Variants in PAN3 observed in about 807,000 individuals in gnomAD.
The protein encoded by PAN3 is PAN2-PAN3 deadenylation complex subunit PAN3.
PAN3 carries 19 observed loss-of-function variants against 96.2 expected under a neutral mutation model. That is an observed-to-expected ratio of 0.20 (90% confidence interval 0.14 to 0.29). PAN3 has a LOEUF of 0.29. PAN3 is among the 10% of genes least tolerant of loss of function. The pLI, the probability that PAN3 is intolerant of heterozygous loss-of-function variation, is 1.00. For missense variants in PAN3, 882 were observed against 1,108.1 expected, an observed-to-expected ratio of 0.80 and a Z score of 2.90; for synonymous variants, 433 against 406.6, an observed-to-expected ratio of 1.06 and a Z score of -0.78.
intron 17 of PAN3, 107 bp downstream of exon 17, chr13:28,281,486 G>T: frequency 9.9e-7 from 1 of 1,014,162 alleles, no homozygotes; most frequent in Non-Finnish European, 1.5e-6. Context: ...AAATTCTCAT[G>T]TGAAGTGACC....
intron 12 of PAN3, among the ~76,000 whole-genome samples, chr13:28,268,834 G>A (rs1290285052): frequency 3.3e-5 from 5 of 151,810 alleles, no homozygotes; most frequent in Non-Finnish European, 5.9e-5. Context: ...CATCCTGACA[G>A]TTGAAAAAAG....
chr13:28,280,314 T>C, intron 15 of PAN3, 98 bp from the exon 16 acceptor site: 1 of 1,366,784 alleles, frequency 7.3e-7, no homozygotes, highest in Non-Finnish European at 9.9e-7. Context: ...AAATTTTGTG[T>C]GCTAAGATGA....
At chr13:28,219,202 C>T (rs1285141424) in intron 5 of PAN3, among the ~76,000 whole-genome samples, 2 of 152,098 alleles carry the variant, frequency 1.3e-5, no homozygotes, top group South Asian at 2.1e-4. Context: ...AGCCTCAGAC[C>T]TGATTATACT....
intron 7 of PAN3, 96 bp from the exon 8 acceptor site, chr13:28,260,351 G>A (rs139790959): frequency 7.0e-5 from 61 of 873,748 alleles, no homozygotes; most frequent in East Asian, 5.7e-4. Context: ...CCGAGATTGC[G>A]CCACTGAACT....
At chr13:28,234,862 A>G (rs537797450) in intron 6 of PAN3, among the ~76,000 whole-genome samples, 2 of 152,056 alleles carry the variant, frequency 1.3e-5, no homozygotes, top group Non-Finnish European at 2.9e-5. Context: ...TATTATATCT[A>G]TGAACTGTCT....
chr13:28,194,659 G>T (rs1479568426), intron 4 of PAN3, among the ~76,000 whole-genome samples: 1 of 151,484 alleles, frequency 6.6e-6, no homozygotes. Context: ...TAGTAGAGAT[G>T]GTGTTTCACC....
At chr13:28,277,512 T>C (rs1206683172) in intron 15 of PAN3, 136 bp downstream of exon 15, 4 of 848,956 alleles carry the variant, frequency 4.7e-6, no homozygotes, top group Non-Finnish European at 7.2e-6. Flanking sequence ...TTATTTTTAT[T>C]GCAAAGTAAA....
intron 17 of PAN3, among the ~76,000 whole-genome samples, chr13:28,282,329 C>T (rs1407789585): frequency 3.5e-5 from 5 of 141,228 alleles, no homozygotes; most frequent in Non-Finnish European, 6.0e-5. Flanking sequence ...AATACTATTA[C>T]TTGAGGGGTT....
At chr13:28,288,762 A>G (rs1375710063) in intron 18 of PAN3, among the ~76,000 whole-genome samples, 2 of 152,194 alleles carry the variant, frequency 1.3e-5, no homozygotes, top group African/African-American at 4.8e-5. Flanking sequence ...TTATTTTTTA[A>G]AAATTGAACC....
intron 1 of PAN3, among the ~76,000 whole-genome samples, chr13:28,145,757 A>AT (rs895808998): frequency 0.048 from 6,026 of 124,420 alleles, 242 homozygotes; most frequent in South Asian, 0.1. Flanking sequence ...TGCCAAGCTA[A>AT]TTTTTTTTTT....
intron 7 of PAN3, among the ~76,000 whole-genome samples, chr13:28,258,841 T>A (rs551621626): frequency 1.4e-4 from 22 of 152,288 alleles, no homozygotes; most frequent in Middle Eastern, 3.4e-3. Context: ...CTTATACACA[T>A]CCTCCTGTAT....
intron 16 of PAN3, 122 bp downstream of exon 16, chr13:28,280,663 G>A: frequency 4.5e-6 from 4 of 879,580 alleles, no homozygotes; most frequent in Non-Finnish European, 3.2e-6. Flanking sequence ...CTGGGTTCAA[G>A]CGAGTCTCCT....
intron 1 of PAN3, among the ~76,000 whole-genome samples, chr13:28,142,430 G>T (rs1338215372): frequency 6.6e-6 from 1 of 151,656 alleles, no homozygotes; most frequent in Non-Finnish European, 1.5e-5. Context: ...ACTTCTCAAA[G>T]TACTGGGATT....
At chr13:28,289,317 C>T (rs1353757121) in intron 18 of PAN3, among the ~76,000 whole-genome samples, 1 of 152,080 alleles carries the variant, frequency 6.6e-6, no homozygotes, top group Non-Finnish European at 1.5e-5. Flanking sequence ...ATCTGTCACC[C>T]AGGCTATAGT....
intron 6 of PAN3, among the ~76,000 whole-genome samples, chr13:28,240,746 T>A (rs766423742): frequency 4.6e-5 from 7 of 152,254 alleles, no homozygotes; most frequent in Non-Finnish European, 1.0e-4. Flanking sequence ...TGATTTTCTC[T>A]GCAAAGGTTA....
intron 1 of PAN3, among the ~76,000 whole-genome samples, chr13:28,161,242 G>T (rs1872847426): frequency 6.6e-6 from 1 of 152,140 alleles, no homozygotes. Context: ...CTCAGGTTTG[G>T]AGGCTGAAAG....
At chr13:28,216,007 G>GA in intron 5 of PAN3, 1 of 658,854 alleles carries the variant, frequency 1.5e-6, no homozygotes, top group Non-Finnish European at 2.7e-6. Context: ...ACTGGTTAAA[G>GA]ATAACAATGC....
chr13:28,289,089 G>T (rs1869372083), intron 18 of PAN3, among the ~76,000 whole-genome samples: 1 of 152,102 alleles, frequency 6.6e-6, no homozygotes, highest in South Asian at 2.1e-4. Flanking sequence ...GCCTCCCAAA[G>T]TGCTGGGATT....
In PAN3 at chr13:28,138,753, G is replaced by GACACCCCC; in HGVS notation, c.96_97insACACCCCC (p.Val33ThrfsTer13). ...CGGTGGCGGTGGTGGCCCCGCCGGGGGTCGGGGGTGTCCCCGGCGGGGCGG... is the reference window on the plus strand; with the variant it reads ...CGGTGGCGGTGGTGGCCCCGCCGGGGACACCCCCGTCGGGGGTGTCCCCGGCGGGGCGG... On this transcript the variant is annotated frameshift_variant, in exon 1 of 19. Coordinates refer to ENST00000380958, the MANE Select transcript of PAN3 (RefSeq NM_175854.8). LOFTEE classifies it high-confidence loss of function. The GACACCCCC allele has an allele frequency of 7.5e-7, 1 of 1,336,434 alleles. No homozygotes were observed. The highest frequency in any genetic ancestry group is 9.6e-7 in the Non-Finnish European group (1 of 1,045,720). 82.8% of individuals were successfully genotyped at this position (1,336,434 alleles called of 1,614,324 possible).
Sources: gnomAD v4.1 joint callset for allele counts (sites outside exome capture counted in the v4.1 genomes callset) on GRCh38, gnomAD v4.1.1 for gene constraint, MANE v1.5 for transcripts, NCBI Gene and HGNC (gene_info 2026-07-23, HGNC 2026-07-21) for gene names.